PPP1R14C: variants seen among roughly 807,000 people sequenced by gnomAD.
The protein encoded by PPP1R14C is protein phosphatase 1 regulatory subunit 14C.
Under a neutral mutation model 20.4 loss-of-function variants are expected in PPP1R14C, and 16 were observed. The observed-to-expected ratio is 0.78, with a 90% CI of 0.53 to 1.19. The LOEUF (loss-of-function observed/expected upper bound fraction) is 1.19. Ranked by LOEUF, PPP1R14C falls within the 50% of genes most tolerant of loss-of-function variation. PPP1R14C has a pLI of 0.00. For synonymous variants in PPP1R14C, 91 were observed against 91.0 expected (o/e 1.00, Z 0.00); for missense variants, 211 against 220.1 (o/e 0.96, Z 0.26).
chr6:150,157,644 T>C (rs1777319574), intron 1 of PPP1R14C, among the ~76,000 whole-genome samples: 1 of 152,170 alleles, frequency 6.6e-6, no homozygotes, highest in African/African-American at 2.4e-5. Flanking sequence ...TCTGGGCTTC[T>C]AGGGAGAATC....
At chr6:150,202,597 C>G (rs1430973480) in intron 1 of PPP1R14C, among the ~76,000 whole-genome samples, 2 of 152,224 alleles carry the variant, frequency 1.3e-5, no homozygotes, top group African/African-American at 4.8e-5. Flanking sequence ...CCGGGACAGC[C>G]CTGCAGGCTC....
chr6:150,144,909 T>G (rs1344156970), intron 1 of PPP1R14C, among the ~76,000 whole-genome samples: 1 of 152,232 alleles, frequency 6.6e-6, no homozygotes, highest in African/African-American at 2.4e-5. Flanking sequence ...AGAAACATTA[T>G]TTGATGTAGA....
At chr6:150,210,031 G>A (rs1778003518) in intron 1 of PPP1R14C, among the ~76,000 whole-genome samples, 2 of 152,156 alleles carry the variant, frequency 1.3e-5, no homozygotes, top group African/African-American at 2.4e-5. Flanking sequence ...GTGTGTGTGT[G>A]TGTTGTCACT....
intron 3 of PPP1R14C, among the ~76,000 whole-genome samples, chr6:150,237,555 CTGA>C (rs886726089): frequency 1.3e-5 from 2 of 152,056 alleles, no homozygotes; most frequent in Non-Finnish European, 2.9e-5. Flanking sequence ...TCAGTGTAGT[CTGA>C]TGATGATGAT....
chr6:150,183,212 C>T (rs1327697116), intron 1 of PPP1R14C, among the ~76,000 whole-genome samples: 1 of 150,312 alleles, frequency 6.7e-6, no homozygotes, highest in Non-Finnish European at 1.5e-5. Context: ...TGAGTTATCT[C>T]GGACTGTTAG....
At chr6:150,216,176 C>T (rs1778090252) in intron 2 of PPP1R14C, among the ~76,000 whole-genome samples, 1 of 152,282 alleles carries the variant, frequency 6.6e-6, no homozygotes, top group African/African-American at 2.4e-5. Context: ...TTAAAAGAAG[C>T]TTTTTTCCTC....
At chr6:150,199,723 G>T (rs141781773) in intron 1 of PPP1R14C, among the ~76,000 whole-genome samples, 1 of 152,208 alleles carries the variant, frequency 6.6e-6, no homozygotes, top group South Asian at 2.1e-4. Context: ...TTTAACATTA[G>T]CCAGGCTTAG....
chr6:150,167,654 A>G (rs1280946527), intron 1 of PPP1R14C, among the ~76,000 whole-genome samples: 1 of 152,126 alleles, frequency 6.6e-6, no homozygotes, highest in Non-Finnish European at 1.5e-5. Flanking sequence ...CAGAGCATCT[A>G]TAAAAAGCTC....
At chr6:150,247,319 T>A (rs922742176) in intron 3 of PPP1R14C, among the ~76,000 whole-genome samples, 1 of 152,224 alleles carries the variant, frequency 6.6e-6, no homozygotes, top group Non-Finnish European at 1.5e-5. Flanking sequence ...AAAGTCTGAT[T>A]GGCTGTTAGC....
intron 3 of PPP1R14C, among the ~76,000 whole-genome samples, chr6:150,247,442 T>G (rs934682288): frequency 3.3e-5 from 5 of 152,198 alleles, no homozygotes; most frequent in African/African-American, 9.7e-5. Flanking sequence ...AGATTCCTGA[T>G]TGTGTAAAGT....
intron 1 of PPP1R14C, among the ~76,000 whole-genome samples, chr6:150,168,746 A>T (rs1051219737): frequency 2.6e-5 from 4 of 152,150 alleles, no homozygotes; most frequent in Non-Finnish European, 5.9e-5. Context: ...ATAATCAGAA[A>T]GTCATGTTTT....
intron 1 of PPP1R14C, among the ~76,000 whole-genome samples, chr6:150,160,429 TA>T (rs1361005489): frequency 7.4e-5 from 6 of 81,506 alleles, no homozygotes; most frequent in Admixed American, 1.6e-4. Context: ...CACACCCAGC[TA>T]ATTTTTTTTT....
At chr6:150,181,033 A>T (rs1321548460) in intron 1 of PPP1R14C, among the ~76,000 whole-genome samples, 1 of 152,232 alleles carries the variant, frequency 6.6e-6, no homozygotes, top group African/African-American at 2.4e-5. Flanking sequence ...CTCAGGTCAG[A>T]TTTAAATTGA....
chr6:150,147,265 C>T (rs1005334687), intron 1 of PPP1R14C, among the ~76,000 whole-genome samples: 1 of 150,604 alleles, frequency 6.6e-6, no homozygotes, highest in Non-Finnish European at 1.5e-5. Context: ...CTGCAACCTC[C>T]GCCTCCTGGG....
rs529062748 is a variant in PPP1R14C, at chr6:150,207,951, G to GTAA, written c.307-6790_307-6788dup. On this transcript the variant is annotated intron_variant, in intron 1 of 3. Coordinates refer to ENST00000361131, the MANE Select transcript of PPP1R14C (RefSeq NM_030949.3). ...CTTCTGGTGACAGCGTTCATCCCGT[G>GTAA]TAATAGCATGGCAGAAAACTGGAAG... 3.6e-3 allele frequency among the ~76,000 whole-genome samples: 549 copies of GTAA among 152,246 alleles called. 3 individuals carry two copies. Among genetic ancestry groups the GTAA allele is most frequent in the South Asian group, 3.7e-3 (18 of 4,822 alleles).
At chr6:150,219,131 A>G (rs1778136044) in intron 3 of PPP1R14C, among the ~76,000 whole-genome samples, 1 of 152,182 alleles carries the variant, frequency 6.6e-6, no homozygotes, top group African/African-American at 2.4e-5. Context: ...GATTTAAACA[A>G]ATGTTTTTCA....
At chr6:150,210,490 C>A (rs1377250344) in intron 1 of PPP1R14C, among the ~76,000 whole-genome samples, 1 of 152,232 alleles carries the variant, frequency 6.6e-6, no homozygotes, top group Admixed American at 6.5e-5. Context: ...CCTCCTGCCT[C>A]CTCCCTGTTA....
chr6:150,162,934 T>C (rs1777386293), intron 1 of PPP1R14C, among the ~76,000 whole-genome samples: 1 of 152,136 alleles, frequency 6.6e-6, no homozygotes, highest in Non-Finnish European at 1.5e-5. Context: ...TATCTGAGCC[T>C]GCATGATGAG....
intron 3 of PPP1R14C, among the ~76,000 whole-genome samples, chr6:150,234,812 G>A (rs1312211460): frequency 8.8e-6 from 1 of 114,162 alleles, no homozygotes; most frequent in Admixed American, 1.3e-4. Context: ...TTGCGCCACT[G>A]AACTCCAACC....
Sources: gnomAD v4.1 joint callset for allele counts (sites outside exome capture counted in the v4.1 genomes callset) on GRCh38, gnomAD v4.1.1 for gene constraint, MANE v1.5 for transcripts, NCBI Gene and HGNC (gene_info 2026-07-23, HGNC 2026-07-21) for gene names.